Variants in WWOX observed in about 807,000 individuals in gnomAD.
WWOX encodes WW domain containing oxidoreductase.
A neutral mutation model predicts 46.2 loss-of-function variants in WWOX; 69 were observed. That is an observed-to-expected ratio of 1.49 (90% CI 1.23 to 1.82). The LOEUF is 1.82. Among genes scored for constraint, WWOX ranks in the 40% most tolerant of loss-of-function variants. The pLI is 0.00. For missense variants in WWOX, 919 were observed against 542.6 expected, an observed-to-expected ratio of 1.69 and a Z score of -6.89; for synonymous variants, 359 against 202.6, an observed-to-expected ratio of 1.77 and a Z score of -6.56.
At chr16:78,204,239 A>G (rs868844608) in intron 5 of WWOX, among the ~76,000 whole-genome samples, 2 of 152,044 alleles carry the variant, frequency 1.3e-5, no homozygotes, top group South Asian at 2.1e-4. Flanking sequence ...GTTCTTTTAA[A>G]CCCTAATCTC....
In WWOX at chr16:78,733,864, G is replaced by C. The variant is rs760838644; in HGVS notation, c.1056+301112G>C. Among the ~76,000 whole-genome samples the C allele has an allele frequency of 2.1e-4, 32 of 152,052 alleles. 1 individual carries two copies. Among genetic ancestry groups the C allele is most frequent in the Admixed American group, 6.6e-5 (1 of 15,252 alleles). Reference sequence around the variant, plus strand: ...GAGGATCACTTGAGCCCAGGATTTCGAGACCAACCTGGACAACGTACAGAG... The same window carrying C: ...GAGGATCACTTGAGCCCAGGATTTCCAGACCAACCTGGACAACGTACAGAG... On this transcript the variant is annotated intron_variant, in intron 8 of 8. Coordinates refer to ENST00000566780, the MANE Select transcript of WWOX (RefSeq NM_016373.4).
chr16:79,002,453 C>A (rs2047112511), intron 8 of WWOX, among the ~76,000 whole-genome samples: 1 of 152,118 alleles, frequency 6.6e-6, no homozygotes, highest in Middle Eastern at 3.4e-3. Flanking sequence ...GAACTCCTGA[C>A]CTCAGGTGAT....
chr16:78,104,796 A>G lies in WWOX; in HGVS notation c.108-3627A>G, dbSNP rs190135097. On this transcript the variant is annotated intron_variant, in intron 1 of 8. Coordinates refer to ENST00000566780, the MANE Select transcript of WWOX (RefSeq NM_016373.4). ...TATATTTATTAAAAAAAAGTCTTCT[A>G]TTGAAAGGTACAGTTCTTAGTTCTT... 1.1e-4 allele frequency among the ~76,000 whole-genome samples: 16 copies of G among 152,368 alleles called. No individual in the cohort carries two copies. In the East Asian group the frequency reaches 1.9e-3, roughly 18 times the overall value.
chr16:78,711,714 G>A (rs139519134), intron 8 of WWOX, among the ~76,000 whole-genome samples: 6 of 152,262 alleles, frequency 3.9e-5, no homozygotes, highest in Non-Finnish European at 8.8e-5. Context: ...TTGAATATAA[G>A]TGTTCCCTCC....
At position 78,147,683 on chromosome 16, in the gene WWOX, TTTTTTTTTTTTTTA is replaced by T. The variant is rs1218743217; in HGVS notation, c.410-16499_410-16486del. 8.4e-3 allele frequency among the ~76,000 whole-genome samples: 925 copies of T among 109,750 alleles called. 17 individuals are homozygous for T. Among genetic ancestry groups the T allele is most frequent in the African/African-American group, 0.03 (886 of 29,236 alleles). The allele number at this position is 109,750 out of a possible 152,430, so 72.0% of individuals were successfully genotyped here. A position where few individuals can be genotyped will look rare whatever the true frequency, so the allele number is the denominator to read the frequency against. ...TTTCTTTTTCTTTCTTCCTTTTTTT[TTTTTTTTTTTTTTA>T]AAAAAAAAAAAGGTGCTTGAATTAG... On this transcript the variant is annotated intron_variant, in intron 4 of 8. Transcript: ENST00000566780.
intron 5 of WWOX, among the ~76,000 whole-genome samples, chr16:78,211,100 A>G (rs2036546542): frequency 6.6e-6 from 1 of 152,156 alleles, no homozygotes; most frequent in African/African-American, 2.4e-5. Context: ...AGATATTCCT[A>G]CTGAGAGGCT....
At chr16:78,879,951 G>T (rs956965106) in intron 8 of WWOX, among the ~76,000 whole-genome samples, 1 of 151,958 alleles carries the variant, frequency 6.6e-6, no homozygotes, top group Non-Finnish European at 1.5e-5. Flanking sequence ...TTATCCTTTA[G>T]TTTAAGCCTC....
intron 8 of WWOX, among the ~76,000 whole-genome samples, chr16:78,946,502 C>G (rs2045951340): frequency 6.6e-6 from 1 of 151,966 alleles, no homozygotes; most frequent in Admixed American, 6.6e-5. Flanking sequence ...CTTTCTGTTT[C>G]AAAGAAATAG....
intron 8 of WWOX, among the ~76,000 whole-genome samples, chr16:78,648,202 C>T (rs1036410650): frequency 8.6e-5 from 13 of 151,970 alleles, no homozygotes; most frequent in East Asian, 5.8e-4. Context: ...GACGTCAAAC[C>T]ACCTTTTTCC....
chr16:78,401,897 A>G (rs1440413185), intron 6 of WWOX, among the ~76,000 whole-genome samples: 1 of 151,970 alleles, frequency 6.6e-6, no homozygotes, highest in African/African-American at 2.4e-5. Flanking sequence ...ACGGGGTTTC[A>G]CCATGTTGGT....
Position 78,853,691 on chromosome 16 carries a change from G to A in WWOX, c.1057-357917G>A, listed in dbSNP as rs186406070. 1.9e-3 allele frequency among the ~76,000 whole-genome samples: 292 copies of A among 152,190 alleles called. 1 individual carries two copies. Among genetic ancestry groups the A allele is most frequent in the South Asian group, 3.3e-3 (16 of 4,818 alleles). ...AAATACTTCTAAAGTAATGTAGTAT[G>A]CACTCTCCTGCGTGGTGGGGGTGTA... On this transcript the variant is annotated intron_variant, in intron 8 of 8. Coordinates refer to ENST00000566780, the MANE Select transcript of WWOX (RefSeq NM_016373.4).
chr16:78,320,416 C>A (rs1028554786), intron 5 of WWOX, among the ~76,000 whole-genome samples: 3 of 152,204 alleles, frequency 2.0e-5, no homozygotes, highest in Admixed American at 2.0e-4. Context: ...CATGACTGAA[C>A]TTGCACAGTG....
chr16:78,513,502 T>A (rs1020970104), intron 8 of WWOX, among the ~76,000 whole-genome samples: 24 of 152,202 alleles, frequency 1.6e-4, no homozygotes, highest in Non-Finnish European at 2.5e-4. Context: ...TCTTACTGTA[T>A]GATGGTTGCT....
At chr16:78,775,340 TC>T (rs984566350) in intron 8 of WWOX, among the ~76,000 whole-genome samples, 6 of 152,098 alleles carry the variant, frequency 3.9e-5, no homozygotes, top group East Asian at 1.9e-4. Context: ...TGTCATCCCC[TC>T]CCCACCCCCA....
intron 8 of WWOX, among the ~76,000 whole-genome samples, chr16:78,687,784 G>T (rs1448754855): frequency 6.6e-6 from 1 of 152,130 alleles, no homozygotes; most frequent in Admixed American, 6.5e-5. Context: ...CTATTAACCA[G>T]ATTTTGGAAC....
intron 8 of WWOX, among the ~76,000 whole-genome samples, chr16:78,829,171 G>C (rs921779312): frequency 2.0e-5 from 3 of 152,150 alleles, no homozygotes; most frequent in African/African-American, 7.2e-5. Flanking sequence ...TAGCTAGACA[G>C]ATGGACAGAT....
At chr16:78,827,492 C>G (rs1278633833) in intron 8 of WWOX, among the ~76,000 whole-genome samples, 4 of 151,968 alleles carry the variant, frequency 2.6e-5, no homozygotes, top group Non-Finnish European at 5.9e-5. Flanking sequence ...GCCCCATTTT[C>G]TGGCAGGGAG....
chr16:78,815,101 G>T (rs765100915), intron 8 of WWOX, among the ~76,000 whole-genome samples: 1 of 152,238 alleles, frequency 6.6e-6, no homozygotes, highest in Non-Finnish European at 1.5e-5. Flanking sequence ...GAGGTGGGCA[G>T]ATTGTCTGAG....
intron 5 of WWOX, among the ~76,000 whole-genome samples, chr16:78,228,623 T>C (rs2037149386): frequency 1.3e-5 from 2 of 152,190 alleles, no homozygotes; most frequent in Non-Finnish European, 2.9e-5. Context: ...ATTACAGGTG[T>C]GAGCCACTGT....
Sources: allele counts gnomAD v4.1 joint callset (sites outside exome capture counted in the v4.1 genomes callset), GRCh38; gene constraint gnomAD v4.1.1; transcripts MANE v1.5; gene names NCBI Gene and HGNC (gene_info 2026-07-23, HGNC 2026-07-21).